DNAH11: variants seen among roughly 807,000 people sequenced by gnomAD.
DNAH11 encodes the protein dynein axonemal heavy chain 11.
In DNAH11, 442 loss-of-function variants were observed where a neutral mutation model predicts 526.0. The observed-to-expected ratio is 0.84, with a 90% CI of 0.78 to 0.91. DNAH11 has a LOEUF of 0.91. DNAH11 is among the 40% of genes least tolerant of loss of function. DNAH11 has a pLI of 0.00. For missense variants in DNAH11, 6,989 were observed against 5,448.7 expected, an observed-to-expected ratio of 1.28 and a Z score of -8.90; for synonymous variants, 2,461 against 1,935.9, an observed-to-expected ratio of 1.27 and a Z score of -7.12.
chr7:21,888,112 C>T (rs972157173), intron 76 of DNAH11, among the ~76,000 whole-genome samples: 1 of 152,132 alleles, frequency 6.6e-6, no homozygotes, highest in African/African-American at 2.4e-5. Flanking sequence ...CTTCCCTGTG[C>T]CTCACTTCAT....
intron 42 of DNAH11, among the ~76,000 whole-genome samples, 184 bp downstream of exon 42, chr7:21,712,044 C>T (rs192967452): frequency 1.9e-3 from 285 of 152,266 alleles, no homozygotes; most frequent in African/African-American, 6.6e-3. Flanking sequence ...TCATTCTCCC[C>T]TCCTCCCAGC....
chr7:21,681,581 G>T lies in DNAH11; in HGVS notation c.5364G>T (p.Leu1788=). The change falls in exon 31 of 82, where the codon CTG becomes CTT. Residue 1788 remains leucine (L), a synonymous_variant. Coordinates refer to ENST00000409508, the MANE Select transcript of DNAH11 (RefSeq NM_001277115.2). ...TGAATACACTGATTACACTTTTGCT[G>T]GGAGAACTTCCACCTGGAGACAGAC... The part of the protein sequence containing the change: ...SQLNTLITLL[L]GELPPGDRQK... 6.2e-7 allele frequency: 1 copy of T among 1,613,802 alleles called. No homozygotes were observed. Among genetic ancestry groups the T allele is most frequent in the Non-Finnish European group, 8.5e-7 (1 of 1,179,784 alleles).
chr7:21,689,996 G>A (rs949664043), intron 34 of DNAH11, among the ~76,000 whole-genome samples: 6 of 152,052 alleles, frequency 3.9e-5, no homozygotes, highest in African/African-American at 1.4e-4. Context: ...TTTCTCCAAC[G>A]CAAATCTTTC....
At chr7:21,597,653 CG>C (rs1040382496) in intron 14 of DNAH11, among the ~76,000 whole-genome samples, 1 of 152,010 alleles carries the variant, frequency 6.6e-6, no homozygotes, top group Non-Finnish European at 1.5e-5. Flanking sequence ...GAACAGCAAG[CG>C]GGGGGTTGGG....
At chr7:21,831,757 G>C (rs1463614951) in intron 65 of DNAH11, among the ~76,000 whole-genome samples, 1 of 152,160 alleles carries the variant, frequency 6.6e-6, no homozygotes, top group Non-Finnish European at 1.5e-5. Context: ...GCATCTTACG[G>C]AGGTTAACTC....
At chr7:21,851,388 T>A (rs975285090) in intron 66 of DNAH11, 2 of 303,422 alleles carry the variant, frequency 6.6e-6, no homozygotes, top group Non-Finnish European at 1.3e-5. Flanking sequence ...TCTTTTTAAA[T>A]TACCCAGTCT....
intron 63 of DNAH11, among the ~76,000 whole-genome samples, chr7:21,816,104 G>T (rs1229272844): frequency 6.6e-6 from 1 of 152,078 alleles, no homozygotes; most frequent in Non-Finnish European, 1.5e-5. Context: ...TGCTTATGTG[G>T]GGGTGGGGGG....
intron 56 of DNAH11, among the ~76,000 whole-genome samples, chr7:21,776,911 T>C (rs1340360091): frequency 6.6e-6 from 1 of 150,884 alleles, no homozygotes; most frequent in African/African-American, 2.4e-5. Flanking sequence ...ACAGACCTTA[T>C]TCAGATTTCC....
Position 21,773,896 on chromosome 7 carries a change from T to C in DNAH11, c.9233T>C (p.Ile3078Thr), listed in dbSNP as rs1787546851. The change falls in exon 56 of 82, where the codon ATA becomes ACA. Residue 3078 changes from isoleucine to threonine, a missense_variant. Ile to Thr is a moderately conservative substitution (Grantham distance 89, BLOSUM62 -1). Transcript: ENST00000409508. ...YTTPKSFLEQ[I>T]SLFKNLLKKK... is the part of the protein sequence containing the mutation. ...ACCCCAAAGAGTTTTCTAGAACAAA[T>C]ATCACTGTTTAAGAACCTGTTGAAG... The C allele has an allele frequency of 6.2e-7, 1 of 1,603,592 alleles. No homozygotes were observed. The highest frequency in any genetic ancestry group is 1.3e-5 in the African/African-American group (1 of 74,852).
At chr7:21,890,757 A>G (rs1784299313) in intron 76 of DNAH11, among the ~76,000 whole-genome samples, 1 of 152,106 alleles carries the variant, frequency 6.6e-6, no homozygotes, top group Admixed American at 6.6e-5. Context: ...CATTATTCTT[A>G]TATATAAACA....
chr7:21,832,104 T>G (rs750795260), intron 65 of DNAH11, among the ~76,000 whole-genome samples: 9 of 152,122 alleles, frequency 5.9e-5, no homozygotes, highest in Admixed American at 1.3e-4. Flanking sequence ...AAAAAAAGCT[T>G]CTGTCACTTG....
chr7:21,606,046 G>T (rs995965364), intron 18 of DNAH11, among the ~76,000 whole-genome samples: 7 of 152,160 alleles, frequency 4.6e-5, no homozygotes, highest in Non-Finnish European at 7.3e-5. Context: ...TCATTTACAT[G>T]GACATGGTGG....
intron 31 of DNAH11, among the ~76,000 whole-genome samples, chr7:21,682,809 G>A (rs1260696997): frequency 6.6e-6 from 1 of 152,006 alleles, no homozygotes; most frequent in East Asian, 1.9e-4. Context: ...TTTTCATAAA[G>A]TGCAAGAAAA....
chr7:21,640,248 C>T (rs187695563), intron 28 of DNAH11, among the ~76,000 whole-genome samples: 1 of 152,140 alleles, frequency 6.6e-6, no homozygotes, highest in Non-Finnish European at 1.5e-5. Context: ...TATTAGCACA[C>T]AATTGGATGC....
chr7:21,577,980 A>C (rs1388926891), intron 8 of DNAH11, among the ~76,000 whole-genome samples: 1 of 152,180 alleles, frequency 6.6e-6, no homozygotes, highest in Non-Finnish European at 1.5e-5. Context: ...AAAGAGGTTT[A>C]ATTGACTCAC....
intron 28 of DNAH11, 41 bp from the exon 29 acceptor site, chr7:21,655,791 A>C: frequency 6.4e-7 from 1 of 1,572,590 alleles, no homozygotes; most frequent in Non-Finnish European, 8.7e-7. Context: ...ATATACCTAC[A>C]GTAAGAAATG....
intron 55 of DNAH11, 62 bp from the exon 56 acceptor site, chr7:21,773,700 ATTTT>A: frequency 9.5e-7 from 1 of 1,056,044 alleles, no homozygotes; most frequent in South Asian, 2.7e-5. Flanking sequence ...CATTTACTTG[ATTTT>A]TTTTAAGTTG....
chr7:21,591,665 CTT>C (rs1784694348), intron 14 of DNAH11, 88 bp downstream of exon 14: 1 of 1,311,554 alleles, frequency 7.6e-7, no homozygotes, highest in Admixed American at 2.5e-5. Flanking sequence ...ATGTGGGACT[CTT>C]TTATCAAGCC....
At chr7:21,715,132 AG>A (rs1404024252) in intron 42 of DNAH11, among the ~76,000 whole-genome samples, 4 of 152,214 alleles carry the variant, frequency 2.6e-5, no homozygotes, top group African/African-American at 7.2e-5. Flanking sequence ...CCATTTTTCC[AG>A]GCCACGGTGA....
Sources: gnomAD v4.1 joint callset for allele counts (sites outside exome capture counted in the v4.1 genomes callset) on GRCh38, gnomAD v4.1.1 for gene constraint, MANE v1.5 for transcripts, NCBI Gene and HGNC (gene_info 2026-07-23, HGNC 2026-07-21) for gene names.